The following MAML2 variants were observed in gnomAD, a reference collection of about 807,000 sequenced individuals.
The protein encoded by MAML2 is mastermind-like protein 2.
A neutral mutation model predicts 96.1 loss-of-function variants in MAML2; 22 were observed. The ratio of observed to expected loss-of-function variants is 0.23; its 90% CI spans 0.16 to 0.33. MAML2 has a LOEUF of 0.33. Among genes scored for constraint, MAML2 ranks in the 10% least tolerant of loss-of-function variants. The pLI, the probability that MAML2 is intolerant of heterozygous loss-of-function variation, is 1.00. For missense variants in MAML2, 1,367 were observed against 1,392.4 expected (o/e 0.98, Z 0.29); for synonymous variants, 561 against 521.3 (o/e 1.08, Z -1.04).
chr11:96,248,898 A>T (rs1565262111), intron 1 of MAML2, among the ~76,000 whole-genome samples: 1 of 152,208 alleles, frequency 6.6e-6, no homozygotes, highest in Non-Finnish European at 1.5e-5. Context: ...AATATTCAAG[A>T]ACTTTGCAAG....
intron 2 of MAML2, among the ~76,000 whole-genome samples, chr11:96,003,039 GGATGATGGGGATGATGAACAT>G (rs1456938833): frequency 2.1e-5 from 3 of 145,638 alleles, no homozygotes; most frequent in Non-Finnish European, 4.5e-5. Context: ...GGGATGAGGA[GGATGATGGGGATGATGAACAT>G]GATGATGGGG....
intron 2 of MAML2, among the ~76,000 whole-genome samples, chr11:96,006,559 T>A (rs764191270): frequency 3.8e-4 from 53 of 140,592 alleles, no homozygotes; most frequent in Non-Finnish European, 6.7e-4. Context: ...TATCTTTTTT[T>A]TTTCTTTTTT....
intron 1 of MAML2, among the ~76,000 whole-genome samples, chr11:96,108,408 C>T (rs775161487): frequency 4.3e-4 from 66 of 152,268 alleles, no homozygotes; most frequent in Middle Eastern, 3.4e-3. Context: ...AAGGAGTGAA[C>T]GGCATTTATT....
intron 4 of MAML2, among the ~76,000 whole-genome samples, chr11:95,981,575 G>T (rs561162): frequency 0.97 from 147,427 of 152,292 alleles, 71,378 homozygotes; most frequent in East Asian, 1. Flanking sequence ...AATGAACACA[G>T]TAGCTTTGCT....
chr11:96,138,765 G>A (rs150001324), intron 1 of MAML2, among the ~76,000 whole-genome samples: 151 of 151,590 alleles, frequency 1.0e-3, no homozygotes, highest in Non-Finnish European at 1.9e-3. Context: ...GGTAGAGATC[G>A]GTGAGTTTCT....
At chr11:96,190,628 G>A (rs1372704238) in intron 1 of MAML2, among the ~76,000 whole-genome samples, 1 of 152,152 alleles carries the variant, frequency 6.6e-6, no homozygotes, top group Non-Finnish European at 1.5e-5. Flanking sequence ...AATATTTGGG[G>A]TAACAATCAG....
intron 1 of MAML2, among the ~76,000 whole-genome samples, chr11:96,245,303 T>A (rs1022844322): frequency 6.6e-6 from 1 of 151,920 alleles, no homozygotes; most frequent in African/African-American, 2.4e-5. Context: ...ATTGGCAATA[T>A]TAAATTTCAC....
chr11:96,155,016 GC>G lies in MAML2; in HGVS notation c.514-61500del, dbSNP rs200138849. Among the ~76,000 whole-genome samples, 389 of 152,286 alleles carry G rather than the reference GC, an allele frequency of 2.6e-3. 6 individuals are homozygous for G. Among genetic ancestry groups the G allele is most frequent in the Admixed American group, 0.018 (276 of 15,304 alleles). ...CTCCCCGTTCTCCCAGGGAGTGCCT[GC>G]TGGCAGGGAGCAGTGCTCTGCTATT... On this transcript the variant is annotated intron_variant, in intron 1 of 4. Coordinates refer to ENST00000524717, the MANE Select transcript of MAML2 (RefSeq NM_032427.4).
At chr11:96,069,529 T>G (rs1859306549) in intron 2 of MAML2, among the ~76,000 whole-genome samples, 1 of 151,730 alleles carries the variant, frequency 6.6e-6, no homozygotes, top group African/African-American at 2.4e-5. Context: ...TACACAAAAA[T>G]TAGCCGGGCG....
At chr11:96,189,553 C>T (rs1861623576) in intron 1 of MAML2, among the ~76,000 whole-genome samples, 1 of 152,330 alleles carries the variant, frequency 6.6e-6, no homozygotes, top group African/African-American at 2.4e-5. Context: ...TTTGAAACTG[C>T]AGCACTACTA....
At chr11:96,090,644 G>A (rs1171041303) in intron 2 of MAML2, among the ~76,000 whole-genome samples, 3 of 152,178 alleles carry the variant, frequency 2.0e-5, no homozygotes, top group Non-Finnish European at 4.4e-5. Flanking sequence ...GTATATATAT[G>A]TCTGTACTCC....
chr11:96,302,994 G>C (rs1161153098), intron 1 of MAML2, among the ~76,000 whole-genome samples: 1 of 152,162 alleles, frequency 6.6e-6, no homozygotes. Context: ...TCCTCTGAGA[G>C]ATTCCAAGAA....
At position 96,144,426 on chromosome 11, in the gene MAML2, C is replaced by T. The variant is rs118099787; in HGVS notation, c.514-50909G>A. ...GGGAGAAGAGGGAGGCAGGTTGGGA[C>T]GAATAGAGTAAGTGGTAGAAGTGGG... is the stretch of plus-strand genomic sequence containing the variant. On this transcript the variant is annotated intron_variant, in intron 1 of 4. Transcript: ENST00000524717. Among the ~76,000 whole-genome samples, 421 of 152,118 alleles carry T rather than the reference C, an allele frequency of 2.8e-3. 6 individuals carry two copies. Among genetic ancestry groups the T allele is most frequent in the Admixed American group, 0.018 (281 of 15,286 alleles).
chr11:96,092,680 G>C lies in MAML2; in HGVS notation c.1351C>G (p.Gln451Glu), dbSNP rs1460222644. The change falls in exon 2 of 5, where the codon CAG becomes GAG. Residue 451 changes from glutamine to glutamate, a missense_variant. Gln to Glu is a conservative substitution (Grantham distance 29, BLOSUM62 2). Transcript: ENST00000524717. The surrounding 1 kb of genome is among the most constrained non-coding windows in gnomAD (Gnocchi z 4.1). ...ANRQQHARMQQHQQQHQPTNW... is the reference protein window; with the variant it reads ...ANRQQHARMQEHQQQHQPTNW... ...GTAGGCTGGTGCTGCTGCTGGTGCT[G>C]CTGCATCCGGGCATGCTGCTGACGA... 2.5e-6 allele frequency: 4 copies of C among 1,614,002 alleles called. No homozygotes were observed. The highest frequency in any genetic ancestry group is 3.4e-6 in the Non-Finnish European group (4 of 1,179,902).
At chr11:95,996,797 T>C (rs1188972805) in intron 2 of MAML2, among the ~76,000 whole-genome samples, 1 of 152,204 alleles carries the variant, frequency 6.6e-6, no homozygotes, top group East Asian at 1.9e-4. Context: ...CTTTGATGCA[T>C]TGGCTTCGAT....
intron 1 of MAML2, among the ~76,000 whole-genome samples, chr11:96,259,680 G>T (rs972325922): frequency 5.3e-5 from 8 of 152,210 alleles, no homozygotes; most frequent in African/African-American, 1.9e-4. Context: ...CAAACACAAA[G>T]TAAGTCAGAA....
Position 96,141,090 on chromosome 11 carries a change from T to G in MAML2, c.514-47573A>C, listed in dbSNP as rs1243971391. Among the ~76,000 whole-genome samples the G allele has an allele frequency of 2.6e-5, 4 of 152,116 alleles. No individual in the cohort carries two copies. The South Asian group carries it at 8.3e-4, about 31-fold the overall frequency. On this transcript the variant is annotated intron_variant, in intron 1 of 4. Transcript: ENST00000524717. Reference sequence around the variant, plus strand: ...TTGACCATATCTTTATTGTTAGTTATCCAATACTCAAAGGCTTAAGATAAG... The same window carrying G: ...TTGACCATATCTTTATTGTTAGTTAGCCAATACTCAAAGGCTTAAGATAAG...
intron 2 of MAML2, among the ~76,000 whole-genome samples, chr11:95,992,408 T>A (rs1339900873): frequency 6.6e-6 from 1 of 152,226 alleles, no homozygotes; most frequent in Non-Finnish European, 1.5e-5. Flanking sequence ...TAATATTGGG[T>A]ATTGGTGAAC....
At chr11:96,016,748 G>A (rs931912613) in intron 2 of MAML2, among the ~76,000 whole-genome samples, 9 of 152,046 alleles carry the variant, frequency 5.9e-5, no homozygotes, top group African/African-American at 2.2e-4. Flanking sequence ...CATTAAAAAA[G>A]GGTCCATATA....
Sources: gnomAD v4.1 joint callset for allele counts (sites outside exome capture counted in the v4.1 genomes callset) on GRCh38, gnomAD v4.1.1 for gene constraint, Gnocchi (gnomAD v3.1) non-coding constraint, MANE v1.5 for transcripts, NCBI Gene and HGNC (gene_info 2026-07-23, HGNC 2026-07-21) for gene names.